MTERF3: variants seen among roughly 807,000 people sequenced by gnomAD.
MTERF3 encodes the protein transcription termination factor 3, mitochondrial.
Under a neutral mutation model 40.5 loss-of-function variants are expected in MTERF3, and 40 were observed. The observed-to-expected ratio is 0.99, with a 90% CI of 0.77 to 1.29. The LOEUF (loss-of-function observed/expected upper bound fraction) is 1.29. MTERF3 is among the 50% of genes most tolerant of loss of function. MTERF3 has a pLI of 0.00. For synonymous variants in MTERF3, 158 were observed against 166.6 expected (o/e 0.95, Z 0.40); for missense variants, 452 against 478.2 (o/e 0.95, Z 0.51).
At chr8:96,245,044 TA>T (rs916517060) in intron 6 of MTERF3, among the ~76,000 whole-genome samples, 29 of 152,242 alleles carry the variant, frequency 1.9e-4, no homozygotes, top group African/African-American at 6.7e-4. Flanking sequence ...GATGAGGAAC[TA>T]AACAACCAAA....
chr8:96,239,402 T>C lies in MTERF3; in HGVS notation c.*89A>G, dbSNP rs1273175515. On this transcript the variant is annotated 3_prime_UTR_variant, in exon 8 of 8. Coordinates refer to ENST00000287025, the MANE Select transcript of MTERF3 (RefSeq NM_015942.5). Reference sequence around the variant, plus strand: ...TTACAGTATCAAATGGTTTCCAATATCAGTTGAGACCCGAGGCATTTAAAA... The same window carrying C: ...TTACAGTATCAAATGGTTTCCAATACCAGTTGAGACCCGAGGCATTTAAAA... The C allele has an allele frequency of 3.9e-6, 4 of 1,023,558 alleles. No homozygotes were observed. The highest frequency in any genetic ancestry group is 5.5e-6 in the Non-Finnish European group (4 of 730,188). The allele number at this position is 1,023,558 out of a possible 1,614,324, so 63.4% of individuals were successfully genotyped here. A position where few individuals can be genotyped will look rare whatever the true frequency, so the allele number is the denominator to read the frequency against.
intron 4 of MTERF3, among the ~76,000 whole-genome samples, chr8:96,249,603 C>T (rs971461297): frequency 7.2e-5 from 11 of 151,880 alleles, no homozygotes; most frequent in African/African-American, 1.2e-4. Context: ...TTCCTAATTC[C>T]GAGAAAAGAC....
intron 1 of MTERF3, among the ~76,000 whole-genome samples, chr8:96,259,849 A>C (rs1372345609): frequency 1.3e-5 from 2 of 152,226 alleles, no homozygotes; most frequent in Non-Finnish European, 2.9e-5. Context: ...GTTTGCTGAA[A>C]GAGATTTTAC....
intron 4 of MTERF3, among the ~76,000 whole-genome samples, chr8:96,248,247 A>G (rs974509442): frequency 6.6e-6 from 1 of 152,232 alleles, no homozygotes; most frequent in Non-Finnish European, 1.5e-5. Context: ...GAGAGACACC[A>G]ATATGTGTGA....
rs755323903 is a variant in MTERF3, at chr8:96,250,916, G to C, written c.667C>G (p.Leu223Val). ...HAIFSEDLEN[L>V]KTRVAYLHSK... is the part of the protein sequence containing the mutation. ...TTTTAAAAGTCCTACCTGGTCTTCA[G>C]ATTTTCAAGGTCTTCAGAGAAAATT... Residue 223 changes from leucine (L) to valine (V), a missense_variant, in exon 4 of 8, where the codon CTG (leucine) becomes GTG (valine). By Grantham distance (32) the Leu-to-Val change is conservative. Transcript: ENST00000287025. The C allele has an allele frequency of 4.4e-6, 7 of 1,606,404 alleles. No homozygotes were observed. Among genetic ancestry groups the C allele is most frequent in the Non-Finnish European group, 5.9e-6 (7 of 1,178,308 alleles).
intron 6 of MTERF3, 120 bp downstream of exon 6, chr8:96,245,740 T>C (rs1309560213): frequency 1.1e-5 from 9 of 809,598 alleles, no homozygotes; most frequent in South Asian, 7.1e-5. Context: ...TTTCTCTTTT[T>C]AGAAATAACT....
chr8:96,255,815 T>A (rs1267454306), intron 3 of MTERF3, among the ~76,000 whole-genome samples: 1 of 152,098 alleles, frequency 6.6e-6, no homozygotes, highest in Admixed American at 6.5e-5. Context: ...TGAAAACATC[T>A]GAAAACAGAT....
intron 4 of MTERF3, among the ~76,000 whole-genome samples, chr8:96,248,951 C>T (rs1810072245): frequency 6.6e-6 from 1 of 152,134 alleles, no homozygotes; most frequent in Admixed American, 6.6e-5. Context: ...ATACATGTGG[C>T]TGCATTACCT....
chr8:96,250,603 G>A (rs545794370), intron 4 of MTERF3, among the ~76,000 whole-genome samples: 1 of 67,774 alleles, frequency 1.5e-5, no homozygotes, highest in African/African-American at 4.4e-5. Context: ...CCAGCTACTT[G>A]GGAGGCTGAG....
chr8:96,250,394 CAGTAATAAGTTGA>C lies in MTERF3; in HGVS notation c.677+499_677+511del, dbSNP rs1810108041. Reference sequence around the variant, plus strand: ...AAAGAGAAAGAGTTAATTACTGACTCAGTAATAAGTTGAAAACATAAAAATAATAATGGAGCCA... The same window carrying C: ...AAAGAGAAAGAGTTAATTACTGACTCAAACATAAAAATAATAATGGAGCCA... On this transcript the variant is annotated intron_variant, in intron 4 of 7. Coordinates refer to ENST00000287025, the MANE Select transcript of MTERF3 (RefSeq NM_015942.5). Among the ~76,000 whole-genome samples, 5 of 145,098 alleles carry C rather than the reference CAGTAATAAGTTGA, an allele frequency of 3.4e-5. No individual in the cohort carries two copies. The South Asian group carries it at 1.1e-3, about 31-fold the overall frequency.
rs1320046220 is a variant in MTERF3, at chr8:96,250,913, T to G, written c.670A>C (p.Lys224Gln). The G allele has an allele frequency of 1.2e-6, 2 of 1,605,356 alleles. No homozygotes were observed. The highest frequency in any genetic ancestry group is 2.7e-5 in the African/African-American group (2 of 74,114). Residue 224 changes from lysine (K) to glutamine (Q), a missense_variant, in exon 4 of 8, where the codon AAG becomes CAG. Physicochemically the swap from Lys to Gln is moderately conservative, Grantham distance 53. Coordinates refer to ENST00000287025, the MANE Select transcript of MTERF3 (RefSeq NM_015942.5). ...AIFSEDLENL[K>Q]TRVAYLHSKN... is the part of the protein sequence containing the mutation. The stretch of plus-strand genomic sequence containing the variant: ...TCCTTTTAAAAGTCCTACCTGGTCT[T>G]CAGATTTTCAAGGTCTTCAGAGAAA...
intron 7 of MTERF3, chr8:96,239,896 A>G: frequency 1.4e-6 from 1 of 697,178 alleles, no homozygotes; most frequent in Admixed American, 2.1e-5. Flanking sequence ...AAACAATAAT[A>G]AAATAATTCA....
rs377505762 is a variant in MTERF3 at position 96,239,565 on chromosome 8, G to A, written c.1180C>T (p.Pro394Ser). The change falls in exon 8 of 8, where the codon CCT becomes TCT. Residue 394 changes from proline (P) to serine (S), a missense_variant. By Grantham distance (74) the Pro-to-Ser change is moderately conservative. Transcript: ENST00000287025. ...YISLDKLVSI[P>S]DEIFCEEIAK... is the part of the protein sequence containing the mutation. ...ATCTCTTCACAAAATATTTCATCAG[G>A]AATAGATACTAGTTTGTCCAAAGAG... 6.2e-7 allele frequency: 1 copy of A among 1,612,998 alleles called. No homozygotes were observed.
chr8:96,245,779 G>T, intron 6 of MTERF3, 81 bp downstream of exon 6: 7 of 1,222,070 alleles, frequency 5.7e-6, no homozygotes, highest in South Asian at 4.1e-5. Context: ...TCTTTTACAT[G>T]ACAATAGCAA....
chr8:96,257,104 T>A lies in MTERF3; in HGVS notation c.345A>T (p.Glu115Asp). 6.2e-7 allele frequency: 1 copy of A among 1,610,238 alleles called. No homozygotes were observed. Among genetic ancestry groups the A allele is most frequent in the Non-Finnish European group, 8.5e-7 (1 of 1,178,840 alleles). Residue 115 changes from glutamate (E) to aspartate (D), a missense_variant, in exon 3 of 8, where the codon GAA becomes GAT. Coordinates refer to ENST00000287025, the MANE Select transcript of MTERF3 (RefSeq NM_015942.5). ...DSELFLEELD[E>D]LPPLSPMQPI... ...GCTGCATTGGAGACAATGGAGGCAA[T>A]TCATCCAGTTCTTTGAAAGAGAGAA...
Position 96,246,543 on chromosome 8 carries a change from G to C in MTERF3, c.678-89C>G, listed in dbSNP as rs565453481. 16 of 1,221,294 alleles carry C rather than the reference G, an allele frequency of 1.3e-5. No homozygotes were observed. The South Asian group carries it at 2.7e-4, about 21-fold the overall frequency. The allele number at this position is 1,221,294 out of a possible 1,614,324, so 75.7% of individuals were successfully genotyped here. A position where few individuals can be genotyped will look rare whatever the true frequency, so the allele number is the denominator to read the frequency against. ...TCTCATGCTACTTCCCAAAGTAACA[G>C]CTGTTTTTAAAAAGGCTCCCACACC... On this transcript the variant is annotated intron_variant, in intron 4 of 7. Transcript: ENST00000287025.
intron 4 of MTERF3, among the ~76,000 whole-genome samples, chr8:96,250,518 C>G (rs371962127): frequency 7.0e-5 from 10 of 143,554 alleles, no homozygotes; most frequent in Non-Finnish European, 1.4e-4. Context: ...CGAGAACAGC[C>G]TGGCCAATGT....
chr8:96,251,163 G>A (rs1424964448), intron 3 of MTERF3, 68 bp from the exon 4 acceptor site: 6 of 1,286,250 alleles, frequency 4.7e-6, no homozygotes, highest in African/African-American at 4.6e-5. Flanking sequence ...ATATACATAA[G>A]CACAAGAAAT....
chr8:96,258,728 A>C lies in MTERF3; in HGVS notation c.-10-28T>G. Reference sequence around the variant, plus strand: ...ACAAAGGAAAGATATAACCGTCAAAAGAAGAGAAATTTAATTTACTTAAAT... The same window carrying C: ...ACAAAGGAAAGATATAACCGTCAAACGAAGAGAAATTTAATTTACTTAAAT... On this transcript the variant is annotated intron_variant, in intron 1 of 7. Coordinates refer to ENST00000287025, the MANE Select transcript of MTERF3 (RefSeq NM_015942.5). 4.1e-6 allele frequency: 6 copies of C among 1,460,034 alleles called. No individual in the cohort carries two copies. The South Asian group carries it at 6.8e-5, about 16-fold the overall frequency. The allele number at this position is 1,460,034 out of a possible 1,614,324, so 90.4% of individuals were successfully genotyped here. A position where few individuals can be genotyped will look rare whatever the true frequency, so the allele number is the denominator to read the frequency against.
Sources: allele counts gnomAD v4.1 joint callset (sites outside exome capture counted in the v4.1 genomes callset), GRCh38; gene constraint gnomAD v4.1.1; transcripts MANE v1.5; gene names NCBI Gene and HGNC (gene_info 2026-07-23, HGNC 2026-07-21).